Variants in RANBP2 observed in about 807,000 individuals in gnomAD.
RANBP2 encodes the protein RAN binding protein 2.
Under a neutral mutation model 303.6 loss-of-function variants are expected in RANBP2, and 57 were observed. The observed-to-expected ratio is 0.19, with a 90% confidence interval of 0.15 to 0.23. The LOEUF (loss-of-function observed/expected upper bound fraction) is 0.23, where lower values mean the gene tolerates loss of function less well. Ranked by LOEUF, RANBP2 falls within the 10% of genes least tolerant of loss-of-function variation. RANBP2 has a pLI of 1.00. For synonymous variants in RANBP2, 1,167 were observed against 1,301.5 expected, an observed-to-expected ratio of 0.90 and a Z score of 2.23; for missense variants, 3,138 against 3,780.8, an observed-to-expected ratio of 0.83 and a Z score of 4.46.
the RANBP2 span, among the ~76,000 whole-genome samples, chr2:108,999,648 G>A: frequency 6.6e-6 from 1 of 152,220 alleles, no homozygotes; most frequent in African/African-American, 2.4e-5. Context: ...AGCACAGGCT[G>A]TGTTATGTAC....
chr2:109,112,679 T>A, the RANBP2 span, among the ~76,000 whole-genome samples: 1 of 152,158 alleles, frequency 6.6e-6, no homozygotes, highest in African/African-American at 2.4e-5. Context: ...TGCCATTGCT[T>A]TTGGTGTTTT....
At chr2:109,676,299 C>G in the RANBP2 span, among the ~76,000 whole-genome samples, 2 of 152,214 alleles carry the variant, frequency 1.3e-5, no homozygotes, top group Non-Finnish European at 2.9e-5. Context: ...TAAAGGGCAG[C>G]CTTTCCCAGT....
chr2:109,613,649 G>T, the RANBP2 span: 1 of 504,906 alleles, frequency 2.0e-6, no homozygotes, highest in Non-Finnish European at 2.9e-6. Context: ...CCCGGCCGCC[G>T]CGGAAGCCGG....
At chr2:109,145,805 G>A in the RANBP2 span, among the ~76,000 whole-genome samples, 1 of 152,192 alleles carries the variant, frequency 6.6e-6, no homozygotes, top group Non-Finnish European at 1.5e-5. Flanking sequence ...TGGGGTCAGG[G>A]GTGTAGTGGC....
chr2:108,911,102 C>G, the RANBP2 span: 1 of 1,613,764 alleles, frequency 6.2e-7, no homozygotes, highest in Non-Finnish European at 8.5e-7. Context: ...ATGAATGACC[C>G]AGAGCTCAGG....
chr2:109,020,338 G>A, the RANBP2 span, among the ~76,000 whole-genome samples: 39 of 152,184 alleles, frequency 2.6e-4, no homozygotes, highest in Admixed American at 7.2e-4. Flanking sequence ...CCTTCTCCCC[G>A]GTTTACAAAA....
At chr2:109,558,213 T>C in the RANBP2 span, among the ~76,000 whole-genome samples, 1 of 152,200 alleles carries the variant, frequency 6.6e-6, no homozygotes, top group South Asian at 2.1e-4. Flanking sequence ...AAAAGTCCTT[T>C]CCTTCAATTG....
the RANBP2 span, among the ~76,000 whole-genome samples, chr2:109,063,809 A>C: frequency 3.3e-3 from 507 of 152,282 alleles, 3 homozygotes; most frequent in African/African-American, 0.011. Context: ...AGAAAAAAAA[A>C]AAACAAAAAA....
the RANBP2 span, among the ~76,000 whole-genome samples, chr2:109,376,778 C>T: frequency 1.7e-4 from 26 of 152,354 alleles, no homozygotes; most frequent in African/African-American, 4.6e-4. Flanking sequence ...TCACCCCACA[C>T]GTGCATGTGG....
the RANBP2 span, among the ~76,000 whole-genome samples, chr2:109,799,316 G>T: frequency 1.1e-5 from 1 of 92,592 alleles, no homozygotes; most frequent in South Asian, 4.6e-4. Flanking sequence ...TATTATTTTT[G>T]TTAAGATTGC....
At chr2:109,077,842 C>G in the RANBP2 span, among the ~76,000 whole-genome samples, 6 of 149,222 alleles carry the variant, frequency 4.0e-5, no homozygotes, top group Non-Finnish European at 7.5e-5. Flanking sequence ...AAAGAGAACT[C>G]TTATACACTG....
chr2:108,874,266 G>A, the RANBP2 span, among the ~76,000 whole-genome samples: 22 of 152,048 alleles, frequency 1.4e-4, no homozygotes, highest in African/African-American at 5.3e-4. Context: ...CTTTGGTAAC[G>A]GGATTTATTT....
chr2:108,971,560 A>G, the RANBP2 span, among the ~76,000 whole-genome samples: 11,599 of 151,832 alleles, frequency 0.076, 1,138 homozygotes, highest in African/African-American at 0.23. Flanking sequence ...AATGTTTAGT[A>G]AATAAATACC....
the RANBP2 span, among the ~76,000 whole-genome samples, chr2:109,196,363 C>T: frequency 6.6e-6 from 1 of 152,200 alleles, no homozygotes; most frequent in Non-Finnish European, 1.5e-5. Flanking sequence ...AGGCCTGGCT[C>T]GGTCCTACCA....
chr2:109,676,267 C>T, the RANBP2 span, among the ~76,000 whole-genome samples: 3 of 152,332 alleles, frequency 2.0e-5, no homozygotes, highest in African/African-American at 7.2e-5. Context: ...CCGGGCTCTC[C>T]GTTAGCACCT....
the RANBP2 span, among the ~76,000 whole-genome samples, chr2:108,826,455 C>A: frequency 3.3e-5 from 5 of 152,036 alleles, no homozygotes; most frequent in Admixed American, 6.6e-5. Context: ...AGGAGTGTAA[C>A]CTCATTTTTT....
the RANBP2 span, among the ~76,000 whole-genome samples, chr2:109,186,099 T>C: frequency 6.6e-6 from 1 of 152,236 alleles, no homozygotes; most frequent in Admixed American, 6.5e-5. Flanking sequence ...TGATTTTAAC[T>C]TCAGGAGAGG....
At chr2:109,721,872 C>T in the RANBP2 span, among the ~76,000 whole-genome samples, 57 of 152,300 alleles carry the variant, frequency 3.7e-4, no homozygotes, top group Non-Finnish European at 6.0e-4. Flanking sequence ...CCAGCCTGCC[C>T]GTGGGCCACG....
chr2:109,538,805 C>T, the RANBP2 span, among the ~76,000 whole-genome samples: 7 of 152,286 alleles, frequency 4.6e-5, no homozygotes, highest in East Asian at 7.7e-4. Context: ...AGGCATGAGC[C>T]GCCACAGCTG....
Sources: allele counts gnomAD v4.1 joint callset (sites outside exome capture counted in the v4.1 genomes callset), GRCh38; gene constraint gnomAD v4.1.1; transcripts MANE v1.5; gene names NCBI Gene and HGNC (gene_info 2026-07-23, HGNC 2026-07-21).